Variants in CENPV observed in about 807,000 individuals in gnomAD.
The protein encoded by CENPV is nuclear protein p30.
A neutral mutation model predicts 26.4 loss-of-function variants in CENPV; 15 were observed. The observed-to-expected ratio is 0.57, with a 90% CI of 0.38 to 0.88. The LOEUF is 0.88. Among genes scored for constraint, CENPV ranks in the 40% least tolerant of loss-of-function variants. The pLI, the probability that CENPV is intolerant of heterozygous loss-of-function variation, is 0.00. For synonymous variants in CENPV, 172 were observed against 165.5 expected (o/e 1.04, Z -0.30); for missense variants, 336 against 376.5 (o/e 0.89, Z 0.89).
At chr17:16,344,768 T>TA in intron 3 of CENPV, 57 bp from the exon 4 acceptor site, 1 of 865,908 alleles carries the variant, frequency 1.2e-6, no homozygotes, top group Non-Finnish European at 1.7e-6. Flanking sequence ...TTTATTTAAT[T>TA]TATTTATTTA....
chr17:16,353,345 GCA>G lies in CENPV; in HGVS notation c.90_91del (p.Ala31LeufsTer13), dbSNP rs2093235521. The stretch of plus-strand genomic sequence containing the variant: ...TGTGCGGGTGGCGCTGGGTGCCAAG[GCA>G]GCGGCCGCGGAGGCCGCGGGGGCCG... On this transcript the variant is annotated frameshift_variant, in exon 1 of 5. Transcript: ENST00000299736. LOFTEE classifies it high-confidence loss of function. The G allele has an allele frequency of 7.6e-7, 1 of 1,311,766 alleles. No homozygotes were observed. Among genetic ancestry groups the G allele is most frequent in the Non-Finnish European group, 9.7e-7 (1 of 1,032,774 alleles). The allele number at this position is 1,311,766 out of a possible 1,614,324, so 81.3% of individuals were successfully genotyped here.
At chr17:16,348,929 C>G (rs2093218792) in intron 2 of CENPV, 1 of 1,282,826 alleles carries the variant, frequency 7.8e-7, no homozygotes, top group South Asian at 1.7e-5. Flanking sequence ...GACCAACAGA[C>G]AGGTCTGTAC....
chr17:16,353,316 G>T lies in CENPV; in HGVS notation c.121C>A (p.Arg41Ser). ...ALAPSATRTRRSASQAGSKSQ... is the reference protein window; with the variant it reads ...ALAPSATRTRSSASQAGSKSQ... ...TTGCTCCCGGCCTGGCTAGCGGAGC[G>T]CCGTGTGCGGGTGGCGCTGGGTGCC... Residue 41 changes from arginine (R) to serine (S), a missense_variant, in exon 1 of 5, where the codon CGC becomes AGC. Around this residue, in one of 2 missense-constraint regions of CENPV, gnomAD observed 181 missense variants for 148.8 expected, o/e 1.22. Coordinates refer to ENST00000299736, the MANE Select transcript of CENPV (RefSeq NM_181716.3). The T allele has an allele frequency of 7.2e-7, 1 of 1,392,078 alleles. No individual in the cohort carries two copies. 86.2% of individuals were successfully genotyped at this position (1,392,078 alleles called of 1,614,324 possible).
At chr17:16,348,849 T>A (rs2093218441) in intron 2 of CENPV, 164 bp from the exon 3 acceptor site, 1 of 1,422,068 alleles carries the variant, frequency 7.0e-7, no homozygotes, top group African/African-American at 1.4e-5. Flanking sequence ...GTGCCTCTGG[T>A]TTGCAGGTAC....
chr17:16,353,046 T>G lies in CENPV; in HGVS notation c.391A>C (p.Lys131Gln), dbSNP rs1374010125. ...RQKLTSEGAA[K>Q]LLLDTFEYQG... ...ACTCACAAGGTGTCTAGCAGGAGCT[T>G]GGCGGCACCCTCGGAGGTAAGCTTC... Residue 131 changes from lysine (K) to glutamine (Q), a missense_variant, in exon 1 of 5, where the codon AAG becomes CAG. By Grantham distance (53) the Lys-to-Gln change is moderately conservative. Coordinates refer to ENST00000299736, the MANE Select transcript of CENPV (RefSeq NM_181716.3). 6 of 1,578,454 alleles carry G rather than the reference T, an allele frequency of 3.8e-6. No individual in the cohort carries two copies. The highest frequency in any genetic ancestry group is 1.4e-5 in the African/African-American group (1 of 71,104).
intron 1 of CENPV, among the ~76,000 whole-genome samples, chr17:16,351,954 G>A (rs1414942124): frequency 6.6e-6 from 1 of 152,116 alleles, no homozygotes; most frequent in Non-Finnish European, 1.5e-5. Context: ...AAAATTCAGT[G>A]TGCAGTCCAA....
chr17:16,348,346 A>T, intron 3 of CENPV: 1 of 541,724 alleles, frequency 1.8e-6, no homozygotes, highest in Non-Finnish European at 2.7e-6. Flanking sequence ...TAGTAGAGAT[A>T]GGGTTTCACC....
At chr17:16,347,815 A>G (rs1277265947) in intron 3 of CENPV, 1 of 152,132 alleles carries the variant, frequency 6.6e-6, no homozygotes, top group Non-Finnish European at 1.5e-5. Flanking sequence ...ATTTTCTTCT[A>G]CCTTTCAAAT....
At chr17:16,346,876 G>C (rs1483602706) in intron 3 of CENPV, among the ~76,000 whole-genome samples, 9 of 150,768 alleles carry the variant, frequency 6.0e-5, no homozygotes, top group Non-Finnish European at 1.0e-4. Flanking sequence ...TTTGAGACAA[G>C]ATCTCACTCT....
chr17:16,343,057 T>C, intron 4 of CENPV, 116 bp from the exon 5 acceptor site: 1 of 1,190,514 alleles, frequency 8.4e-7, no homozygotes, highest in South Asian at 1.4e-5. Flanking sequence ...CATTAGGGCT[T>C]CCAAAGGATA....
Position 16,353,367 on chromosome 17 carries a change from G to GGCCGCGGA in CENPV, c.69_70insTCCGCGGC (p.Pro24SerfsTer43). On this transcript the variant is annotated frameshift_variant, in exon 1 of 5. Transcript: ENST00000299736. LOFTEE classifies it high-confidence loss of function. ...AAGGCAGCGGCCGCGGAGGCCGCGG[G>GGCCGCGGA]GGCCGCGGAGGCCCCGGACCGCTTC... 1.3e-6 allele frequency: 1 copy of GGCCGCGGA among 769,688 alleles called. No homozygotes were observed. The highest frequency in any genetic ancestry group is 1.7e-6 in the Non-Finnish European group (1 of 586,584). The allele number at this position is 769,688 out of a possible 1,614,324, so 47.7% of individuals were successfully genotyped here.
chr17:16,344,157 A>T (rs1374764249), intron 4 of CENPV, among the ~76,000 whole-genome samples: 1 of 151,994 alleles, frequency 6.6e-6, no homozygotes, highest in East Asian at 1.9e-4. Context: ...AGTCCTGCCT[A>T]ATTTTTGAAC....
chr17:16,346,998 G>T (rs1051576466), intron 3 of CENPV, among the ~76,000 whole-genome samples: 1 of 151,818 alleles, frequency 6.6e-6, no homozygotes, highest in Non-Finnish European at 1.5e-5. Context: ...CTATAGGCAT[G>T]CAACACCACA....
chr17:16,349,367 A>G, intron 2 of CENPV: 1 of 985,964 alleles, frequency 1.0e-6, no homozygotes, highest in Non-Finnish European at 1.2e-6. Flanking sequence ...CTGTTAAATA[A>G]TTAGCTGCAT....
Position 16,353,046 on chromosome 17 carries a change from TG to T in CENPV, c.390del (p.Lys131SerfsTer4). 7 of 1,578,572 alleles carry T rather than the reference TG, an allele frequency of 4.4e-6. 2 individuals are homozygous for T. In the South Asian group the frequency reaches 7.9e-5, roughly 18 times the overall value. On this transcript the variant is annotated frameshift_variant, in exon 1 of 5. Transcript: ENST00000299736. LOFTEE classifies it high-confidence loss of function. ...ACTCACAAGGTGTCTAGCAGGAGCT[TG>T]GCGGCACCCTCGGAGGTAAGCTTCT... ...KRQKLTSEGA[A>X]KLLLDTFEYQ...
intron 2 of CENPV, 129 bp downstream of exon 2, chr17:16,349,802 C>T: frequency 1.4e-6 from 2 of 1,466,514 alleles, no homozygotes; most frequent in Non-Finnish European, 1.8e-6. Flanking sequence ...GTCCCCATCA[C>T]CTGACTTCAA....
At position 16,353,383 on chromosome 17, in the gene CENPV, G is replaced by GGAGGCCCCA. The variant is rs2093235938; in HGVS notation, c.53_54insTGGGGCCTC (p.Gly19_Ser21dup). ...AGGCCGCGGGGGCCGCGGAGGCCCCGGACCGCTTCTGCCCGCGCAGCTTGG... is the reference window on the plus strand; with the variant it reads ...AGGCCGCGGGGGCCGCGGAGGCCCCGGAGGCCCCAGACCGCTTCTGCCCGCGCAGCTTGG... On this transcript the variant is annotated inframe_insertion, in exon 1 of 5. Transcript: ENST00000299736. 6.5e-6 allele frequency: 8 copies of GGAGGCCCCA among 1,224,998 alleles called. No individual in the cohort carries two copies. The South Asian group carries it at 2.3e-4, about 36-fold the overall frequency. The allele number at this position is 1,224,998 out of a possible 1,614,324, so 75.9% of individuals were successfully genotyped here. A position where few individuals can be genotyped will look rare whatever the true frequency, so the allele number is the denominator to read the frequency against.
At position 16,353,370 on chromosome 17, in the gene CENPV, C is replaced by CCA; in HGVS notation, c.66_67insTG (p.Ala23TrpfsTer42). Reference sequence around the variant, plus strand: ...GCAGCGGCCGCGGAGGCCGCGGGGGCCGCGGAGGCCCCGGACCGCTTCTGC... The same window carrying CCA: ...GCAGCGGCCGCGGAGGCCGCGGGGGCCACGCGGAGGCCCCGGACCGCTTCTGC... On this transcript the variant is annotated frameshift_variant, in exon 1 of 5. Transcript: ENST00000299736. LOFTEE classifies it high-confidence loss of function. 2 of 1,234,744 alleles carry CCA rather than the reference C, an allele frequency of 1.6e-6. No individual in the cohort carries two copies. Among genetic ancestry groups the CCA allele is most frequent in the South Asian group, 2.9e-5 (1 of 34,896 alleles). The allele number at this position is 1,234,744 out of a possible 1,614,324, so 76.5% of individuals were successfully genotyped here. A position where few individuals can be genotyped will look rare whatever the true frequency, so the allele number is the denominator to read the frequency against.
At position 16,353,448 on chromosome 17, in the gene CENPV, C is replaced by T. The variant is rs1427084913; in HGVS notation, c.-12G>A. ...CTCGATCGCCGCATGGCTCCCGCAGCCTGGCGCGCAGGCCTCGCAGCGCGG... is the reference window on the plus strand; with the variant it reads ...CTCGATCGCCGCATGGCTCCCGCAGTCTGGCGCGCAGGCCTCGCAGCGCGG... On this transcript the variant is annotated 5_prime_UTR_variant, in exon 1 of 5. Coordinates refer to ENST00000299736, the MANE Select transcript of CENPV (RefSeq NM_181716.3). The T allele has an allele frequency of 1.3e-5, 15 of 1,123,724 alleles. No homozygotes were observed. Among genetic ancestry groups the T allele is most frequent in the Non-Finnish European group, 1.6e-5 (15 of 920,520 alleles). 69.6% of individuals were successfully genotyped at this position (1,123,724 alleles called of 1,614,324 possible). A position where few individuals can be genotyped will look rare whatever the true frequency, so the allele number is the denominator to read the frequency against.
Sources: allele counts gnomAD v4.1 joint callset (sites outside exome capture counted in the v4.1 genomes callset), GRCh38; gene constraint gnomAD v4.1.1; regional missense constraint gnomAD v4.1.1; transcripts MANE v1.5; gene names NCBI Gene and HGNC (gene_info 2026-07-23, HGNC 2026-07-21).